The following PTPRD variants were observed in gnomAD, a reference collection of about 807,000 sequenced individuals.
PTPRD encodes protein tyrosine phosphatase receptor type D.
A neutral mutation model predicts 214.5 loss-of-function variants in PTPRD; 34 were observed. The observed-to-expected ratio is 0.16, with a 90% CI of 0.12 to 0.21. The LOEUF is 0.21. PTPRD is among the 10% of genes least tolerant of loss of function. The pLI is 1.00. For synonymous variants in PTPRD, 1,128 were observed against 845.7 expected, an observed-to-expected ratio of 1.33 and a Z score of -5.79; for missense variants, 2,545 against 2,398.7, an observed-to-expected ratio of 1.06 and a Z score of -1.27.
chr9:9,478,139 T>TA (rs34235148), intron 8 of PTPRD, among the ~76,000 whole-genome samples: 77,230 of 152,014 alleles, frequency 0.51, 19,983 homozygotes, highest in East Asian at 0.7. Context: ...TTGGCCTTGT[T>TA]ACAGTTTTAG....
At chr9:10,382,727 C>A (rs932695983) in intron 2 of PTPRD, among the ~76,000 whole-genome samples, 1 of 151,616 alleles carries the variant, frequency 6.6e-6, no homozygotes, top group Non-Finnish European at 1.5e-5. Context: ...AACAGGAAAC[C>A]CTAAGATATC....
chr9:10,273,869 G>C (rs1195124631), intron 3 of PTPRD, among the ~76,000 whole-genome samples: 1 of 152,036 alleles, frequency 6.6e-6, no homozygotes, highest in Non-Finnish European at 1.5e-5. Flanking sequence ...AGCATTTTTG[G>C]AGCTACAAAT....
chr9:10,451,006 GTAAA>G (rs2098838045), intron 2 of PTPRD, among the ~76,000 whole-genome samples: 3 of 151,978 alleles, frequency 2.0e-5, no homozygotes, highest in Admixed American at 2.0e-4. Flanking sequence ...TAGAGGGTTT[GTAAA>G]TGCCACTTAA....
At chr9:8,967,904 T>G (rs2099208895) in intron 11 of PTPRD, among the ~76,000 whole-genome samples, 1 of 151,962 alleles carries the variant, frequency 6.6e-6, no homozygotes, top group Non-Finnish European at 1.5e-5. Context: ...CCCTCCTCCC[T>G]CCCTCCACCC....
chr9:9,257,158 G>A (rs188279842), intron 9 of PTPRD, among the ~76,000 whole-genome samples: 4 of 151,968 alleles, frequency 2.6e-5, no homozygotes, highest in East Asian at 3.9e-4. Flanking sequence ...CCTCTTTTGT[G>A]GGGGGTAGAA....
intron 2 of PTPRD, among the ~76,000 whole-genome samples, chr9:10,581,032 C>G (rs923606865): frequency 3.3e-5 from 5 of 152,130 alleles, no homozygotes; most frequent in Non-Finnish European, 7.4e-5. Flanking sequence ...TGCATGTGTT[C>G]CCATTCTTGG....
At chr9:10,562,324 G>A (rs898220238) in intron 2 of PTPRD, among the ~76,000 whole-genome samples, 20 of 144,810 alleles carry the variant, frequency 1.4e-4, no homozygotes, top group African/African-American at 3.4e-4. Flanking sequence ...TGAAATGTTC[G>A]TTAACTTTTT....
chr9:8,786,441 G>C (rs375921162), intron 11 of PTPRD, among the ~76,000 whole-genome samples: 1 of 115,874 alleles, frequency 8.6e-6, no homozygotes, highest in East Asian at 2.7e-4. Context: ...ACAGAGTCTC[G>C]CTCTGTCGCC....
chr9:9,141,415 T>C (rs1486163191), intron 10 of PTPRD, among the ~76,000 whole-genome samples: 1 of 152,074 alleles, frequency 6.6e-6, no homozygotes, highest in Non-Finnish European at 1.5e-5. Flanking sequence ...ATAGTGGTTA[T>C]CCTACCTTGA....
chr9:10,147,065 A>C (rs1449761702), intron 3 of PTPRD, among the ~76,000 whole-genome samples: 1 of 152,134 alleles, frequency 6.6e-6, no homozygotes, highest in Non-Finnish European at 1.5e-5. Context: ...TTGTCACAGA[A>C]GCTAATAAAG....
intron 44 of PTPRD, 77 bp downstream of exon 44, chr9:8,331,505 C>CTTA: frequency 6.6e-7 from 1 of 1,509,638 alleles, no homozygotes; most frequent in Non-Finnish European, 8.9e-7. Flanking sequence ...AATAAGCAAA[C>CTTA]TTACTACAAA....
At chr9:9,700,910 C>G (rs2097486078) in intron 7 of PTPRD, among the ~76,000 whole-genome samples, 1 of 151,912 alleles carries the variant, frequency 6.6e-6, no homozygotes, top group Non-Finnish European at 1.5e-5. Context: ...CAGATGTAAA[C>G]AAACCATTAC....
chr9:10,374,259 C>T (rs2097685841), intron 2 of PTPRD, among the ~76,000 whole-genome samples: 1 of 151,926 alleles, frequency 6.6e-6, no homozygotes, highest in Admixed American at 6.6e-5. Context: ...GCAATTGTGT[C>T]AAAATACAGA....
At chr9:8,960,133 A>T (rs2154317273) in intron 11 of PTPRD, among the ~76,000 whole-genome samples, 1 of 152,188 alleles carries the variant, frequency 6.6e-6, no homozygotes, top group East Asian at 1.9e-4. Context: ...CAAGTCACAT[A>T]ACTTCTCTAA....
At chr9:9,717,948 G>C (rs1043309078) in intron 7 of PTPRD, among the ~76,000 whole-genome samples, 1 of 152,004 alleles carries the variant, frequency 6.6e-6, no homozygotes, top group Non-Finnish European at 1.5e-5. Flanking sequence ...AATCCATTTT[G>C]TCTTTGTAAA....
At chr9:8,536,467 A>G (rs759333400) in intron 14 of PTPRD, among the ~76,000 whole-genome samples, 62 of 152,060 alleles carry the variant, frequency 4.1e-4, no homozygotes, top group South Asian at 1.0e-3. Flanking sequence ...GTGTGTGTGT[A>G]TATACATATG....
intron 9 of PTPRD, among the ~76,000 whole-genome samples, chr9:9,362,670 T>C (rs1250853034): frequency 6.6e-6 from 1 of 151,242 alleles, no homozygotes; most frequent in Non-Finnish European, 1.5e-5. Context: ...AAGGGGCCAA[T>C]ACGTGCTCAC....
At position 9,336,691 on chromosome 9, in the gene PTPRD, A is replaced by G. The variant is rs79862497; in HGVS notation, c.-203+60758T>C. Among the ~76,000 whole-genome samples, 1,328 of 152,296 alleles carry G rather than the reference A, an allele frequency of 8.7e-3. 14 individuals carry two copies. The highest frequency in any genetic ancestry group is 0.03 in the African/African-American group (1,250 of 41,572). On this transcript the variant is annotated intron_variant, in intron 9 of 45. Coordinates refer to ENST00000381196, the MANE Select transcript of PTPRD (RefSeq NM_002839.4). The stretch of plus-strand genomic sequence containing the variant: ...AATATTTTTTAAATGATAAATATCT[A>G]TGAGATATATTATATAACTGCTTTA...
At chr9:8,590,383 G>A (rs1162805540) in intron 14 of PTPRD, among the ~76,000 whole-genome samples, 1 of 152,150 alleles carries the variant, frequency 6.6e-6, no homozygotes, top group Non-Finnish European at 1.5e-5. Flanking sequence ...GCATGGTTGT[G>A]TGCTATATCC....
Sources: allele counts gnomAD v4.1 joint callset (sites outside exome capture counted in the v4.1 genomes callset), GRCh38; gene constraint gnomAD v4.1.1; transcripts MANE v1.5; gene names NCBI Gene and HGNC (gene_info 2026-07-23, HGNC 2026-07-21).